The following CLMP variants were observed in gnomAD, a reference collection of about 807,000 sequenced individuals.
CLMP encodes CXADR-like membrane protein.
CLMP carries 27 observed loss-of-function variants against 45.2 expected under a neutral mutation model. The observed-to-expected ratio is 0.60, with a 90% CI of 0.44 to 0.82. CLMP has a LOEUF of 0.82. Ranked by LOEUF, CLMP falls within the 40% of genes least tolerant of loss-of-function variation. The pLI is 0.00. For synonymous variants in CLMP, 167 were observed against 171.4 expected, an observed-to-expected ratio of 0.97 and a Z score of 0.20; for missense variants, 403 against 448.4, an observed-to-expected ratio of 0.90 and a Z score of 0.91.
chr11:123,126,318 C>T (rs1057006884), intron 1 of CLMP, among the ~76,000 whole-genome samples: 2 of 152,042 alleles, frequency 1.3e-5, no homozygotes, highest in African/African-American at 2.4e-5. Context: ...GGATGTAAGC[C>T]GAATTAATTA....
chr11:123,117,265 C>T (rs902471646), intron 1 of CLMP, among the ~76,000 whole-genome samples: 1 of 151,820 alleles, frequency 6.6e-6, no homozygotes, highest in African/African-American at 2.4e-5. Flanking sequence ...TTAATCAGAA[C>T]AATCCTACAA....
chr11:123,100,790 CT>C (rs1217091612), intron 1 of CLMP, among the ~76,000 whole-genome samples: 2 of 152,144 alleles, frequency 1.3e-5, no homozygotes, highest in Non-Finnish European at 2.9e-5. Flanking sequence ...AATTTCTCTG[CT>C]TTTTCCCAAA....
chr11:123,132,581 T>C (rs1468542715), intron 1 of CLMP, among the ~76,000 whole-genome samples: 8 of 151,726 alleles, frequency 5.3e-5, no homozygotes, highest in South Asian at 2.1e-4. Context: ...GCCTCAGCCT[T>C]CTGAGTAGCT....
chr11:123,113,187 C>G (rs1419912160), intron 1 of CLMP, among the ~76,000 whole-genome samples: 3 of 152,216 alleles, frequency 2.0e-5, no homozygotes, highest in Non-Finnish European at 4.4e-5. Flanking sequence ...TTAGCAGGTA[C>G]ATTGACAAAA....
intron 1 of CLMP, among the ~76,000 whole-genome samples, chr11:123,130,430 A>T (rs1860968774): frequency 1.3e-5 from 2 of 152,252 alleles, no homozygotes; most frequent in African/African-American, 4.8e-5. Context: ...AGGAAGAAAG[A>T]TTATTTATCG....
At chr11:123,173,362 C>T (rs1202023700) in intron 1 of CLMP, among the ~76,000 whole-genome samples, 1 of 152,192 alleles carries the variant, frequency 6.6e-6, no homozygotes, top group Non-Finnish European at 1.5e-5. Flanking sequence ...CCAGTCAGAC[C>T]ACAAAGTGAC....
intron 1 of CLMP, among the ~76,000 whole-genome samples, chr11:123,127,400 G>A (rs1361517150): frequency 6.6e-6 from 1 of 152,150 alleles, no homozygotes; most frequent in Admixed American, 6.5e-5. Flanking sequence ...GGGATTACAG[G>A]CGTGAGCCAC....
At chr11:123,137,268 C>G (rs1449149269) in intron 1 of CLMP, among the ~76,000 whole-genome samples, 3 of 150,970 alleles carry the variant, frequency 2.0e-5, no homozygotes, top group Non-Finnish European at 2.9e-5. Context: ...ATTCTCCTGC[C>G]TCAGCCTCCC....
At chr11:123,142,030 G>C (rs984037607) in intron 1 of CLMP, among the ~76,000 whole-genome samples, 2 of 147,410 alleles carry the variant, frequency 1.4e-5, no homozygotes, top group African/African-American at 5.1e-5. Context: ...TGTCCCCCAG[G>C]CTGGAGTACA....
At chr11:123,124,159 C>T (rs1254477590) in intron 1 of CLMP, among the ~76,000 whole-genome samples, 5 of 151,998 alleles carry the variant, frequency 3.3e-5, no homozygotes, top group East Asian at 3.9e-4. Flanking sequence ...AACAAGTGTC[C>T]GCTTTTATCT....
rs756331499 is a variant in CLMP, at chr11:123,083,654, A to T, written c.556+26T>A. On this transcript the variant is annotated intron_variant, in intron 4 of 6. Coordinates refer to ENST00000448775, the MANE Select transcript of CLMP (RefSeq NM_024769.5). ...GGATAGAGGACTATTTTGTTGGCTC[A>T]ATAGATTGGTAGGAAGATGACTTAC... The T allele has an allele frequency of 1.9e-6, 3 of 1,612,542 alleles. No individual in the cohort carries two copies. The South Asian group carries it at 3.3e-5, about 18-fold the overall frequency.
Position 123,083,857 on chromosome 11 carries a change from GCAA to G in CLMP, c.389-13_389-11del, listed in dbSNP as rs781415616. The G allele has an allele frequency of 1.4e-5, 22 of 1,611,676 alleles. No homozygotes were observed. The East Asian group carries it at 3.1e-4, about 23-fold the overall frequency. On this transcript the variant is annotated splice_polypyrimidine_tract_variant and intron_variant, in intron 3 of 6. Coordinates refer to ENST00000448775, the MANE Select transcript of CLMP (RefSeq NM_024769.5). ...GGCTTGGATGGTCTCACTGGCAACA[GCAA>G]CAACAAGCAAAAGTGTAGTGATTCA...
intron 1 of CLMP, among the ~76,000 whole-genome samples, chr11:123,185,387 G>GGAGA (rs149937458): frequency 6.0e-5 from 9 of 149,656 alleles, no homozygotes; most frequent in East Asian, 3.9e-4. Flanking sequence ...TGGCGCCAGG[G>GGAGA]GAGAGAGAGA....
intron 3 of CLMP, 42 bp from the exon 4 acceptor site, chr11:123,083,889 AT>A: frequency 6.2e-7 from 1 of 1,603,086 alleles, no homozygotes; most frequent in Non-Finnish European, 8.5e-7. Context: ...TGATTCAAAG[AT>A]CCCCAAACAC....
intron 2 of CLMP, among the ~76,000 whole-genome samples, chr11:123,086,040 G>T (rs1299534245): frequency 6.6e-6 from 1 of 151,988 alleles, no homozygotes; most frequent in African/African-American, 2.4e-5. Context: ...GCCTCCCAAA[G>T]TGCTGGGATT....
Position 123,091,442 on chromosome 11 carries a change from G to T in CLMP, c.186+6353C>A, listed in dbSNP as rs191425129. Among the ~76,000 whole-genome samples the T allele has an allele frequency of 1.3e-3, 201 of 152,220 alleles. 1 individual carries two copies. The highest frequency in any genetic ancestry group is 4.6e-3 in the African/African-American group (191 of 41,538). On this transcript the variant is annotated intron_variant, in intron 2 of 6. Transcript: ENST00000448775. ...CCTATCTTATCTCATGTACAGCTTG[G>T]TCTGAAGAGCTGCTTAGACTTTCCA...
At chr11:123,100,737 T>C (rs961871089) in intron 1 of CLMP, among the ~76,000 whole-genome samples, 1 of 152,190 alleles carries the variant, frequency 6.6e-6, no homozygotes, top group African/African-American at 2.4e-5. Flanking sequence ...GAAACACTTC[T>C]GTTCCATCCA....
At chr11:123,092,552 T>C (rs1401734442) in intron 2 of CLMP, among the ~76,000 whole-genome samples, 2 of 152,178 alleles carry the variant, frequency 1.3e-5, no homozygotes, top group African/African-American at 4.8e-5. Context: ...CGCCTTGGCC[T>C]CCCAAAGTGC....
chr11:123,083,864 C>G lies in CLMP; in HGVS notation c.389-17G>C. On this transcript the variant is annotated splice_polypyrimidine_tract_variant and intron_variant, in intron 3 of 6. Transcript: ENST00000448775. ...ATGGTCTCACTGGCAACAGCAACAACAAGCAAAAGTGTAGTGATTCAAAGA... is the reference window on the plus strand; with the variant it reads ...ATGGTCTCACTGGCAACAGCAACAAGAAGCAAAAGTGTAGTGATTCAAAGA... 1 of 1,611,748 alleles carries G rather than the reference C, an allele frequency of 6.2e-7. No individual in the cohort carries two copies. The highest frequency in any genetic ancestry group is 8.5e-7 in the Non-Finnish European group (1 of 1,179,462).
Sources: allele counts gnomAD v4.1 joint callset (sites outside exome capture counted in the v4.1 genomes callset), GRCh38; gene constraint gnomAD v4.1.1; transcripts MANE v1.5; gene names NCBI Gene and HGNC (gene_info 2026-07-23, HGNC 2026-07-21).